FAM47E: variants seen among roughly 807,000 people sequenced by gnomAD.
FAM47E encodes protein FAM47E.
Under a neutral mutation model 41.6 loss-of-function variants are expected in FAM47E, and 32 were observed. The ratio of observed to expected loss-of-function variants is 0.77; its 90% confidence interval spans 0.58 to 1.03. The LOEUF (loss-of-function observed/expected upper bound fraction) is 1.03, where lower values mean the gene tolerates loss of function less well. FAM47E is among the 50% of genes least tolerant of loss of function. The pLI is 0.00. For synonymous variants in FAM47E, 184 were observed against 188.7 expected (o/e 0.98, Z 0.20); for missense variants, 424 against 485.4 (o/e 0.87, Z 1.19).
chr4:76,251,698 G>GCA (rs1560739773), upstream of FAM47E: 5 of 1,434,766 alleles, frequency 3.5e-6, no homozygotes, highest in East Asian at 8.7e-5. Context: ...CGGCAGCAGG[G>GCA]CACACACACC....
At chr4:76,260,894 C>G (rs1734383403) in intron 2 of FAM47E, among the ~76,000 whole-genome samples, 1 of 151,490 alleles carries the variant, frequency 6.6e-6, no homozygotes, top group Non-Finnish European at 1.5e-5. Flanking sequence ...AAAAAGTAGG[C>G]AAAGCCATGA....
rs200969259 is a variant in FAM47E, at chr4:76,283,444, C to T, written c.1168C>T (p.Arg390Ter). Reference sequence around the variant, plus strand: ...TGCATGTAATAAGACTCCTATAAAACGAACTCAAGCATAGAAGAATCGTAG... The same window carrying T: ...TGCATGTAATAAGACTCCTATAAAATGAACTCAAGCATAGAAGAATCGTAG... ...KRACNKTPIK[R>*]TQA The change falls in exon 8 of 8, where the codon CGA (arginine) becomes TGA (stop). Residue 390 changes from arginine to a stop codon, truncating the protein, a stop_gained. Coordinates refer to ENST00000424749, the MANE Select transcript of FAM47E (RefSeq NM_001136570.3). LOFTEE classifies it high-confidence loss of function. 61 of 1,539,926 alleles carry T rather than the reference C, an allele frequency of 4.0e-5. No homozygotes were observed. The highest frequency in any genetic ancestry group is 2.6e-4 in the Admixed American group (13 of 50,940).
chr4:76,251,425 C>G (rs1420246747), upstream of FAM47E, among the ~76,000 whole-genome samples: 1 of 152,134 alleles, frequency 6.6e-6, no homozygotes, highest in Non-Finnish European at 1.5e-5. Context: ...CCTTTCTTTC[C>G]TTCAGTAAAC....
Position 76,256,464 on chromosome 4 carries a change from C to T in FAM47E, c.361C>T (p.His121Tyr), listed in dbSNP as rs1302987827. 6.4e-7 allele frequency: 1 copy of T among 1,551,770 alleles called. No individual in the cohort carries two copies. Among genetic ancestry groups the T allele is most frequent in the Admixed American group, 2.0e-5 (1 of 51,014 alleles). The change falls in exon 2 of 8, where the codon CAC (histidine) becomes TAC (tyrosine). Residue 121 changes from histidine to tyrosine, a missense_variant. Physicochemically the swap from His to Tyr is moderately conservative, Grantham distance 83. Coordinates refer to ENST00000424749, the MANE Select transcript of FAM47E (RefSeq NM_001136570.3). ...RKAFLEDVEAHLTPHPLALYL... is the reference protein window; with the variant it reads ...RKAFLEDVEAYLTPHPLALYL... ...GGCATTCCTGGAGGACGTGGAGGCC[C>T]ACCTGACCCCACATCCCTTAGCGCT...
At chr4:76,242,585 G>A (rs1049318311) in intron 2 of FAM47E, among the ~76,000 whole-genome samples, 6 of 152,138 alleles carry the variant, frequency 3.9e-5, no homozygotes, top group Non-Finnish European at 8.8e-5. Flanking sequence ...CTTTGTGCTA[G>A]GCACTTGGCT....
intron 3 of FAM47E, chr4:76,268,310 C>G (rs2110016842): frequency 5.1e-6 from 1 of 197,434 alleles, no homozygotes; most frequent in African/African-American, 2.4e-5. Context: ...TCAAGGATGA[C>G]TCCTACTTGT....
intron 7 of FAM47E, chr4:76,282,588 T>G (rs1405753549): frequency 6.6e-6 from 1 of 152,194 alleles, no homozygotes; most frequent in African/African-American, 2.4e-5. Context: ...CTGCATGCAA[T>G]TTTGTATTTA....
At chr4:76,248,491 A>G (rs900119351), upstream of FAM47E, among the ~76,000 whole-genome samples, 1 of 152,124 alleles carries the variant, frequency 6.6e-6, no homozygotes, top group Non-Finnish European at 1.5e-5. Flanking sequence ...GATTTCTCCA[A>G]GACTTAGGGT....
rs1735206608 is a variant in FAM47E, at chr4:76,278,159, C to T, written c.961C>T (p.Leu321=). 2.6e-6 allele frequency: 4 copies of T among 1,551,200 alleles called. No individual in the cohort carries two copies. Among genetic ancestry groups the T allele is most frequent in the Non-Finnish European group, 3.5e-6 (4 of 1,146,894 alleles). The change falls in exon 6 of 8, where the codon CTG becomes TTG. Residue 321 remains leucine (L), a synonymous_variant. Coordinates refer to ENST00000424749, the MANE Select transcript of FAM47E (RefSeq NM_001136570.3). ...LWKKQRVDEP[L]VDPEVSHKAQ... ...GAAAAAGCAAAGAGTAGACGAGCCTCTGGTTGACCCTGAGGTCTCACATAA... is the reference window on the plus strand; with the variant it reads ...GAAAAAGCAAAGAGTAGACGAGCCTTTGGTTGACCCTGAGGTCTCACATAA...
At chr4:76,247,849 C>T (rs1170660639), upstream of FAM47E, among the ~76,000 whole-genome samples, 1 of 147,572 alleles carries the variant, frequency 6.8e-6, no homozygotes, top group East Asian at 2.0e-4. Context: ...GGATATTAAA[C>T]TCTTATCAGG....
chr4:76,265,266 T>G (rs1228969522), intron 3 of FAM47E, among the ~76,000 whole-genome samples: 1 of 152,158 alleles, frequency 6.6e-6, no homozygotes, highest in East Asian at 1.9e-4. Flanking sequence ...AAGCACAATT[T>G]CTCCTTGCTT....
intron 1 of FAM47E, among the ~76,000 whole-genome samples, chr4:76,254,815 C>T (rs905074115): frequency 6.6e-6 from 1 of 152,186 alleles, no homozygotes; most frequent in Non-Finnish European, 1.5e-5. Flanking sequence ...GATTCCAAGT[C>T]GTGGCTTTGG....
chr4:76,279,414 A>T (rs1296152008), intron 6 of FAM47E: 1 of 152,230 alleles, frequency 6.6e-6, no homozygotes, highest in Non-Finnish European at 1.5e-5. Flanking sequence ...TTTACAAAAC[A>T]TATTTCATTT....
chr4:76,265,162 C>T (rs1328540970), intron 3 of FAM47E, among the ~76,000 whole-genome samples: 1 of 152,238 alleles, frequency 6.6e-6, no homozygotes, highest in Non-Finnish European at 1.5e-5. Context: ...ATTTCTGACT[C>T]TTCAGTCCAC....
chr4:76,219,715 A>G (rs777354791), intron 2 of FAM47E, among the ~76,000 whole-genome samples: 6 of 151,982 alleles, frequency 3.9e-5, no homozygotes, highest in Non-Finnish European at 7.4e-5. Flanking sequence ...GGCCAGAGAT[A>G]GGGGTGCAGT....
At chr4:76,262,468 A>G (rs1340493664) in intron 2 of FAM47E, among the ~76,000 whole-genome samples, 2 of 152,008 alleles carry the variant, frequency 1.3e-5, no homozygotes, top group South Asian at 2.1e-4. Flanking sequence ...ACAATTCACT[A>G]TGTTATGTGT....
intron 2 of FAM47E, among the ~76,000 whole-genome samples, chr4:76,246,206 G>C (rs1733823406): frequency 6.6e-6 from 1 of 152,160 alleles, no homozygotes; most frequent in South Asian, 2.1e-4. Context: ...GAGCAATTCT[G>C]AGTGACTGCT....
chr4:76,249,741 C>A (rs114770286), upstream of FAM47E, among the ~76,000 whole-genome samples: 907 of 152,076 alleles, frequency 6.0e-3, 16 homozygotes, highest in African/African-American at 0.021. Context: ...CATTCTTACA[C>A]CTTTGCATCC....
intron 2 of FAM47E, among the ~76,000 whole-genome samples, chr4:76,224,173 A>T (rs1733355013): frequency 6.6e-6 from 1 of 152,256 alleles, no homozygotes; most frequent in South Asian, 2.1e-4. Context: ...AGGCAGATAC[A>T]GTCCATTACA....
Sources: allele counts gnomAD v4.1 joint callset (sites outside exome capture counted in the v4.1 genomes callset), GRCh38; gene constraint gnomAD v4.1.1; transcripts MANE v1.5; gene names NCBI Gene and HGNC (gene_info 2026-07-23, HGNC 2026-07-21).